Variants in ST7 observed in about 807,000 individuals in gnomAD.
The protein encoded by ST7 is suppression of tumorigenicity 7, also known as suppressor of tumorigenicity 7 protein.
ST7 carries 28 observed loss-of-function variants against 78.7 expected under a neutral mutation model. That is an observed-to-expected ratio of 0.36 (90% CI 0.26 to 0.49). The LOEUF (loss-of-function observed/expected upper bound fraction) is 0.49. ST7 is among the 20% of genes least tolerant of loss of function. The pLI is 0.99. For synonymous variants in ST7, 247 were observed against 249.6 expected (o/e 0.99, Z 0.10); for missense variants, 418 against 696.0 (o/e 0.60, Z 4.49).
chr7:116,997,773 G>A (rs535382602), intron 1 of ST7, among the ~76,000 whole-genome samples: 1 of 151,316 alleles, frequency 6.6e-6, no homozygotes, highest in Admixed American at 6.6e-5. Context: ...ACATAAAGGT[G>A]CTCCAAGTCC....
At position 117,222,774 on chromosome 7, in the gene ST7, T is replaced by G. The variant is rs762744057; in HGVS notation, c.1638+712T>G. On this transcript the variant is annotated intron_variant, in intron 15 of 15. Transcript: ENST00000323984. ...AATAAGGAAAACAGTATCAATTGTT[T>G]CCCTGGAACTCCATTCAGATTTCAA... 42 of 1,010,504 alleles carry G rather than the reference T, an allele frequency of 4.2e-5. No homozygotes were observed. The Admixed American group carries it at 7.1e-4, about 17-fold the overall frequency. 62.6% of individuals were successfully genotyped at this position (1,010,504 alleles called of 1,614,324 possible). A position where few individuals can be genotyped will look rare whatever the true frequency, so the allele number is the denominator to read the frequency against.
chr7:117,213,874 G>T (rs1359857894), intron 13 of ST7, among the ~76,000 whole-genome samples: 5 of 152,112 alleles, frequency 3.3e-5, no homozygotes, highest in Non-Finnish European at 5.9e-5. Flanking sequence ...CACTGTTCTG[G>T]CGATCCTCAC....
chr7:117,213,109 C>T (rs755845831), intron 13 of ST7, among the ~76,000 whole-genome samples: 6 of 152,220 alleles, frequency 3.9e-5, no homozygotes, highest in Non-Finnish European at 8.8e-5. Context: ...AGGAAAGTTG[C>T]CGCAGCTCCC....
At position 117,219,209 on chromosome 7, in the gene ST7, G is replaced by A; in HGVS notation, c.1498+33G>A. 6.4e-7 allele frequency: 1 copy of A among 1,553,494 alleles called. No homozygotes were observed. Among genetic ancestry groups the A allele is most frequent in the Non-Finnish European group, 8.8e-7 (1 of 1,131,940 alleles). On this transcript the variant is annotated intron_variant, in intron 14 of 15. Transcript: ENST00000323984. The surrounding 1 kb of genome is among the most constrained non-coding windows in gnomAD (Gnocchi z 5.1). ...TCACCTCTCTTCAGCCAGTGAGGGT[G>A]TGTGGTGAAAGGTGGGGATTGGAAG... is the stretch of plus-strand genomic sequence containing the variant.
At chr7:117,223,278 C>T (rs73716417) in intron 15 of ST7, 6,517 of 365,564 alleles carry the variant, frequency 0.018, 385 homozygotes, top group African/African-American at 0.13. Context: ...TAACTGGTCT[C>T]CTTGCTTCCT....
intron 9 of ST7, among the ~76,000 whole-genome samples, chr7:117,166,697 G>C (rs1807579617): frequency 1.3e-5 from 2 of 151,968 alleles, no homozygotes; most frequent in African/African-American, 4.8e-5. Context: ...AGACCATCCT[G>C]GCTAACATGG....
chr7:116,988,582 C>T (rs1304986294), intron 1 of ST7, among the ~76,000 whole-genome samples: 5 of 152,146 alleles, frequency 3.3e-5, no homozygotes, highest in African/African-American at 9.6e-5. Context: ...AGAGGGCACT[C>T]TTTAAAAGAT....
chr7:117,163,877 G>T (rs949735591), intron 9 of ST7, among the ~76,000 whole-genome samples: 1 of 152,086 alleles, frequency 6.6e-6, no homozygotes, highest in Non-Finnish European at 1.5e-5. Context: ...CCAATGTCCT[G>T]AAGCATTTCC....
At chr7:117,218,143 C>T (rs1258792366) in intron 13 of ST7, among the ~76,000 whole-genome samples, 1 of 152,198 alleles carries the variant, frequency 6.6e-6, no homozygotes, top group Admixed American at 6.5e-5. Context: ...TCATTTAAAA[C>T]TAAAAATATT....
At chr7:117,003,270 T>C (rs1335932982) in intron 1 of ST7, among the ~76,000 whole-genome samples, 1 of 151,548 alleles carries the variant, frequency 6.6e-6, no homozygotes. Context: ...TAGCTAAGAC[T>C]ATAGGTGTGC....
chr7:117,220,780 G>A (rs1488744451), intron 14 of ST7, among the ~76,000 whole-genome samples: 1 of 152,180 alleles, frequency 6.6e-6, no homozygotes, highest in Non-Finnish European at 1.5e-5. Flanking sequence ...ACGAGGCCCT[G>A]AGCACACTTG....
chr7:117,037,069 C>T (rs1459867679), intron 1 of ST7, among the ~76,000 whole-genome samples: 2 of 152,114 alleles, frequency 1.3e-5, no homozygotes, highest in Admixed American at 1.3e-4. Flanking sequence ...AGCAGCTCTG[C>T]CCTGAACAGC....
chr7:117,177,493 G>A (rs1033494868), intron 10 of ST7, among the ~76,000 whole-genome samples: 3 of 152,166 alleles, frequency 2.0e-5, no homozygotes, highest in African/African-American at 7.2e-5. Flanking sequence ...TGGCTTCAGG[G>A]CACCAGCCAC....
chr7:117,106,323 T>TC (rs1801960641), intron 2 of ST7, among the ~76,000 whole-genome samples: 2 of 152,174 alleles, frequency 1.3e-5, no homozygotes, highest in Admixed American at 1.3e-4. Flanking sequence ...TAAGCTCATG[T>TC]GGTTAGTTTG....
chr7:116,953,836 CGCGGCGGCTTAG>C (rs1218698927), intron 1 of ST7, 145 bp downstream of exon 1: 1 of 431,440 alleles, frequency 2.3e-6, no homozygotes, highest in African/African-American at 2.2e-5. Flanking sequence ...CCGCCAGCAA[CGCGGCGGCTTAG>C]GCGGCGGGGC....
chr7:117,107,922 C>T (rs1271439142), intron 2 of ST7, among the ~76,000 whole-genome samples: 4 of 151,898 alleles, frequency 2.6e-5, no homozygotes, highest in Non-Finnish European at 5.9e-5. Flanking sequence ...GCCCTTAGCC[C>T]ACTTTTTGAA....
At chr7:116,997,997 G>A (rs544176993) in intron 1 of ST7, among the ~76,000 whole-genome samples, 7 of 152,316 alleles carry the variant, frequency 4.6e-5, no homozygotes, top group African/African-American at 7.2e-5. Flanking sequence ...GTGTGCCCTC[G>A]CTCCTCAGCA....
chr7:116,989,193 G>A (rs952268157), intron 1 of ST7, among the ~76,000 whole-genome samples: 5 of 152,222 alleles, frequency 3.3e-5, no homozygotes, highest in Middle Eastern at 6.8e-3. Flanking sequence ...GTTGTTTTTG[G>A]TATTGAGTCT....
In ST7 at chr7:117,131,974, A is replaced by C; in HGVS notation, c.641+14A>C. ...GGAGATAAATGAGTAAGTGGGGGAA[A>C]ATCTTGCTGTTAAAAAGGAAATCTC... On this transcript the variant is annotated intron_variant, in intron 6 of 15. Coordinates refer to ENST00000323984, the MANE Select transcript of ST7 (RefSeq NM_001369598.1). 2 of 1,609,438 alleles carry C rather than the reference A, an allele frequency of 1.2e-6. No individual in the cohort carries two copies. Among genetic ancestry groups the C allele is most frequent in the South Asian group, 1.1e-5 (1 of 90,712 alleles).
Sources: allele counts gnomAD v4.1 joint callset (sites outside exome capture counted in the v4.1 genomes callset), GRCh38; gene constraint gnomAD v4.1.1; non-coding constraint Gnocchi (gnomAD v3.1); transcripts MANE v1.5; gene names NCBI Gene and HGNC (gene_info 2026-07-23, HGNC 2026-07-21).